The following GRM3 variants were observed in gnomAD, a reference collection of about 807,000 sequenced individuals.
The protein encoded by GRM3 is glutamate metabotropic receptor 3.
In GRM3, 26 loss-of-function variants were observed where a neutral mutation model predicts 70.5. The observed-to-expected ratio is 0.37, with a 90% CI of 0.27 to 0.51. The LOEUF (loss-of-function observed/expected upper bound fraction) is 0.51. Ranked by LOEUF, GRM3 falls within the 20% of genes least tolerant of loss-of-function variation. The pLI is 0.93. For missense variants in GRM3, 859 were observed against 1,123.8 expected, an observed-to-expected ratio of 0.76 and a Z score of 3.37; for synonymous variants, 443 against 434.9, an observed-to-expected ratio of 1.02 and a Z score of -0.23.
At chr7:86,719,802 A>G (rs549276643) in intron 1 of GRM3, among the ~76,000 whole-genome samples, 2 of 152,162 alleles carry the variant, frequency 1.3e-5, no homozygotes, top group East Asian at 3.9e-4. Context: ...GGACTATTCC[A>G]TGAAACCTTA....
At position 86,691,447 on chromosome 7, in the gene GRM3, A is replaced by G. The variant is rs1794694232; in HGVS notation, c.-141+46575A>G. On this transcript the variant is annotated intron_variant, in intron 1 of 5. Transcript: ENST00000361669. ...ACATGTCAAAAATGTTTAACTCATC[A>G]ATGAGAGAACCACAAGGATTGTAAA... Among the ~76,000 whole-genome samples, 3 of 152,186 alleles carry G rather than the reference A, an allele frequency of 2.0e-5. No individual in the cohort carries two copies. In the South Asian group the frequency reaches 6.2e-4, roughly 32 times the overall value.
intron 1 of GRM3, among the ~76,000 whole-genome samples, chr7:86,758,560 A>G (rs1236399903): frequency 1.3e-5 from 2 of 152,128 alleles, no homozygotes; most frequent in Non-Finnish European, 2.9e-5. Flanking sequence ...GTGCATTTTG[A>G]TGCTTAGGAA....
At chr7:86,771,367 GA>G (rs1239461477) in intron 2 of GRM3, among the ~76,000 whole-genome samples, 1 of 152,108 alleles carries the variant, frequency 6.6e-6, no homozygotes, top group African/African-American at 2.4e-5. Flanking sequence ...GGATCACTTT[GA>G]AGCAGTAGTC....
intron 1 of GRM3, among the ~76,000 whole-genome samples, chr7:86,713,065 G>A (rs1014335613): frequency 1.3e-5 from 2 of 151,978 alleles, no homozygotes; most frequent in Non-Finnish European, 2.9e-5. Flanking sequence ...ATTCTTCATA[G>A]CATCTGTACT....
intron 4 of GRM3, among the ~76,000 whole-genome samples, chr7:86,841,172 T>C (rs6465087): frequency 0.076 from 11,503 of 152,242 alleles, 586 homozygotes; most frequent in African/African-American, 0.14. Context: ...ATAAATACTT[T>C]TGTTAAAAAA....
chr7:86,648,181 A>G (rs1793523733), intron 1 of GRM3, among the ~76,000 whole-genome samples: 1 of 150,072 alleles, frequency 6.7e-6, no homozygotes, highest in South Asian at 2.2e-4. Context: ...GCACACTTAT[A>G]TATGTGTATA....
rs111284583 is a variant in GRM3, at chr7:86,730,187, G to A, written c.-140-34819G>A. Among the ~76,000 whole-genome samples, 851 of 152,006 alleles carry A rather than the reference G, an allele frequency of 5.6e-3. 14 individuals carry two copies. Among genetic ancestry groups the A allele is most frequent in the African/African-American group, 0.019 (803 of 41,432 alleles). On this transcript the variant is annotated intron_variant, in intron 1 of 5. Transcript: ENST00000361669. ...TGTAATCCCAGCACATTAGGAGGCC[G>A]AGGCAGGCAGATCACTTGAGGTCAG...
intron 2 of GRM3, among the ~76,000 whole-genome samples, chr7:86,769,133 C>T (rs1381995178): frequency 6.6e-6 from 1 of 152,090 alleles, no homozygotes; most frequent in Non-Finnish European, 1.5e-5. Context: ...TCACATGCTC[C>T]TGCTCCAGTG....
At chr7:86,747,588 G>T (rs891447545) in intron 1 of GRM3, among the ~76,000 whole-genome samples, 14 of 151,982 alleles carry the variant, frequency 9.2e-5, no homozygotes, top group Admixed American at 2.0e-4. Flanking sequence ...TACACAAACA[G>T]ATCAATAAAG....
chr7:86,814,695 T>C (rs1206302448), intron 3 of GRM3, among the ~76,000 whole-genome samples: 2 of 151,652 alleles, frequency 1.3e-5, no homozygotes, highest in African/African-American at 4.8e-5. Flanking sequence ...TCCTTTGCTA[T>C]ATTTACCAAA....
chr7:86,645,993 GGGGGT>G, intron 1 of GRM3, among the ~76,000 whole-genome samples: 2 of 20,026 alleles, frequency 1.0e-4, no homozygotes, highest in Non-Finnish European at 2.0e-4. Flanking sequence ...GCGGGGGGGT[GGGGGT>G]GGGGGGGTGG....
chr7:86,842,381 A>G (rs1348989518), intron 4 of GRM3, among the ~76,000 whole-genome samples: 6 of 152,144 alleles, frequency 3.9e-5, no homozygotes, highest in African/African-American at 1.2e-4. Flanking sequence ...CCCATACTCA[A>G]CAATTAGCTG....
intron 3 of GRM3, among the ~76,000 whole-genome samples, chr7:86,825,813 A>G (rs531647466): frequency 1.3e-5 from 2 of 152,332 alleles, no homozygotes; most frequent in East Asian, 3.9e-4. Flanking sequence ...TCAGAATATT[A>G]GCTCTGCTAC....
At chr7:86,830,880 A>G (rs1312742281) in intron 3 of GRM3, among the ~76,000 whole-genome samples, 10 of 152,188 alleles carry the variant, frequency 6.6e-5, no homozygotes, top group Non-Finnish European at 5.9e-5. Context: ...GTGTTCTTAC[A>G]AAAAGGGAAA....
At chr7:86,723,217 T>C (rs1795513175) in intron 1 of GRM3, among the ~76,000 whole-genome samples, 1 of 147,498 alleles carries the variant, frequency 6.8e-6, no homozygotes, top group Non-Finnish European at 1.5e-5. Context: ...CCTCTTGAGT[T>C]CTACATCCAT....
intron 5 of GRM3, among the ~76,000 whole-genome samples, chr7:86,857,550 G>T (rs1178355559): frequency 1.3e-5 from 2 of 152,156 alleles, no homozygotes; most frequent in Admixed American, 6.6e-5. Context: ...GATAGCAGTA[G>T]AAGCCAATAA....
intron 1 of GRM3, among the ~76,000 whole-genome samples, chr7:86,712,720 G>A (rs1020314929): frequency 3.9e-5 from 6 of 151,914 alleles, no homozygotes; most frequent in African/African-American, 1.4e-4. Flanking sequence ...ACATTTGAGC[G>A]AGAACATGCG....
intron 1 of GRM3, among the ~76,000 whole-genome samples, chr7:86,709,458 C>G (rs1795142017): frequency 6.6e-6 from 1 of 152,092 alleles, no homozygotes; most frequent in Admixed American, 6.6e-5. Context: ...ATCTACCTAA[C>G]CAGGCTTCTC....
intron 1 of GRM3, among the ~76,000 whole-genome samples, chr7:86,723,090 T>A (rs186932448): frequency 6.6e-6 from 1 of 152,226 alleles, no homozygotes; most frequent in African/African-American, 2.4e-5. Flanking sequence ...TTTGTTTTTT[T>A]AAATGACAAT....
Sources: gnomAD v4.1 joint callset for allele counts (sites outside exome capture counted in the v4.1 genomes callset) on GRCh38, gnomAD v4.1.1 for gene constraint, MANE v1.5 for transcripts, NCBI Gene and HGNC (gene_info 2026-07-23, HGNC 2026-07-21) for gene names.